Variants in NBEA observed in about 807,000 individuals in gnomAD.
NBEA encodes the protein lysosomal-trafficking regulator 2.
NBEA carries 44 observed loss-of-function variants against 343.4 expected under a neutral mutation model. The ratio of observed to expected loss-of-function variants is 0.13; its 90% CI spans 0.10 to 0.16. NBEA has a LOEUF of 0.16. Among genes scored for constraint, NBEA ranks in the 10% least tolerant of loss-of-function variants. The pLI is 1.00. For missense variants in NBEA, 2,555 were observed against 3,631.3 expected, an observed-to-expected ratio of 0.70 and a Z score of 7.62; for synonymous variants, 1,175 against 1,238.7, an observed-to-expected ratio of 0.95 and a Z score of 1.08.
intron 34 of NBEA, among the ~76,000 whole-genome samples, chr13:35,288,430 G>A (rs2035582141): frequency 6.6e-6 from 1 of 151,942 alleles, no homozygotes; most frequent in Non-Finnish European, 1.5e-5. Flanking sequence ...GAGTAAAGGT[G>A]TGAGGTTCTA....
At position 35,010,738 on chromosome 13, in the gene NBEA, AAAAATATATATATATAT is replaced by A. The variant is rs1354392719; in HGVS notation, c.295-30193_295-30177del. Reference sequence around the variant, plus strand: ...GACTGGGTCTCTACAAAAAAAAAAAAAAAATATATATATATATATATATATATATATATATATATATA... The same window carrying A: ...GACTGGGTCTCTACAAAAAAAAAAAAATATATATATATATATATATATATA... On this transcript the variant is annotated intron_variant, in intron 1 of 58. Transcript: ENST00000379939. 9.4e-5 allele frequency among the ~76,000 whole-genome samples: 3 copies of A among 32,066 alleles called. No individual in the cohort carries two copies. The Admixed American group carries it at 1.3e-3, about 14-fold the overall frequency. 21.0% of individuals were successfully genotyped at this position (32,066 alleles called of 152,430 possible).
chr13:35,263,873 C>T (rs923143275), intron 34 of NBEA, among the ~76,000 whole-genome samples: 31 of 151,088 alleles, frequency 2.1e-4, no homozygotes, highest in Admixed American at 1.8e-3. Context: ...ATTAGAAAAA[C>T]GAGAAAACTA....
chr13:35,291,629 A>C (rs1366735524), intron 35 of NBEA, among the ~76,000 whole-genome samples: 1 of 151,976 alleles, frequency 6.6e-6, no homozygotes, highest in African/African-American at 2.4e-5. Flanking sequence ...ACAGTTCTGT[A>C]AAATGCGTTT....
At chr13:35,559,730 A>G (rs1209157510) in intron 44 of NBEA, among the ~76,000 whole-genome samples, 2 of 152,068 alleles carry the variant, frequency 1.3e-5, no homozygotes, top group Non-Finnish European at 2.9e-5. Flanking sequence ...CCTGGCTAAC[A>G]CGGTGAAACC....
chr13:35,527,723 G>A (rs991394759), intron 41 of NBEA, among the ~76,000 whole-genome samples: 1 of 152,194 alleles, frequency 6.6e-6, no homozygotes, highest in African/African-American at 2.4e-5. Flanking sequence ...CGGGAGCTAG[G>A]GCTTCCAGGG....
chr13:35,040,795 T>G, intron 1 of NBEA, 138 bp from the exon 2 acceptor site: 1 of 690,312 alleles, frequency 1.4e-6, no homozygotes, highest in Admixed American at 2.9e-5. Context: ...GCTCTTATAC[T>G]TTTGATCAAA....
intron 38 of NBEA, among the ~76,000 whole-genome samples, chr13:35,423,941 G>T (rs541103690): frequency 6.6e-6 from 1 of 152,004 alleles, no homozygotes; most frequent in South Asian, 2.1e-4. Flanking sequence ...TCATGATTTG[G>T]CTCTCTGTTT....
chr13:35,459,017 CCACACA>C (rs1555270533), intron 40 of NBEA, among the ~76,000 whole-genome samples: 5 of 74,940 alleles, frequency 6.7e-5, no homozygotes, highest in South Asian at 5.9e-4. Flanking sequence ...CCCCCCCCCC[CCACACA>C]CACACACACA....
chr13:34,976,936 C>T (rs1000813033), intron 1 of NBEA, among the ~76,000 whole-genome samples: 9 of 142,988 alleles, frequency 6.3e-5, no homozygotes, highest in South Asian at 2.2e-4. Flanking sequence ...TTCTTTTTCT[C>T]TCTATTTTTT....
At chr13:35,319,079 G>A (rs564075513) in intron 36 of NBEA, among the ~76,000 whole-genome samples, 3 of 151,954 alleles carry the variant, frequency 2.0e-5, no homozygotes, top group East Asian at 3.9e-4. Flanking sequence ...TTTTTTGAAG[G>A]GTTTTTTGTG....
At chr13:35,234,570 A>G (rs891539639) in intron 34 of NBEA, among the ~76,000 whole-genome samples, 1 of 152,212 alleles carries the variant, frequency 6.6e-6, no homozygotes, top group African/African-American at 2.4e-5. Flanking sequence ...ACAGTGGGAA[A>G]TGAGACTAGA....
intron 10 of NBEA, among the ~76,000 whole-genome samples, chr13:35,081,522 G>T (rs1014121734): frequency 3.3e-5 from 5 of 151,660 alleles, no homozygotes; most frequent in Non-Finnish European, 5.9e-5. Context: ...TTTCAAGATG[G>T]GCAAGCTTTT....
At chr13:35,211,769 AG>A (rs1298679618) in intron 33 of NBEA, among the ~76,000 whole-genome samples, 1 of 152,172 alleles carries the variant, frequency 6.6e-6, no homozygotes, top group Non-Finnish European at 1.5e-5. Context: ...CAGTGAGCCT[AG>A]ATCACACCAC....
chr13:35,655,553 G>A (rs1172041619), intron 54 of NBEA, 26 bp from the exon 55 acceptor site: 1 of 1,595,598 alleles, frequency 6.3e-7, no homozygotes, highest in East Asian at 2.3e-5. Context: ...ACTAAATGAA[G>A]CAAACCTGTC....
intron 22 of NBEA, among the ~76,000 whole-genome samples, chr13:35,160,773 T>C (rs970620811): frequency 2.2e-4 from 33 of 152,196 alleles, no homozygotes; most frequent in African/African-American, 7.0e-4. Context: ...TTTTCTGATA[T>C]GGATTTTAAT....
chr13:35,387,066 A>G (rs1229851729), intron 38 of NBEA, among the ~76,000 whole-genome samples: 3 of 152,164 alleles, frequency 2.0e-5, no homozygotes, highest in African/African-American at 7.2e-5. Context: ...TTATAAGACT[A>G]AGCTCTATCT....
chr13:35,050,229 T>C, intron 5 of NBEA, 40 bp from the exon 6 acceptor site: 2 of 1,581,028 alleles, frequency 1.3e-6, no homozygotes, highest in Non-Finnish European at 1.7e-6. Context: ...TTAGTTCTTT[T>C]TATCAGAGGA....
intron 17 of NBEA, among the ~76,000 whole-genome samples, chr13:35,126,560 G>C (rs2067142166): frequency 6.6e-6 from 1 of 152,020 alleles, no homozygotes; most frequent in African/African-American, 2.4e-5. Context: ...ATTATGAATA[G>C]ATGAAAATAT....
chr13:34,967,114 A>G (rs2059846134), intron 1 of NBEA, among the ~76,000 whole-genome samples: 1 of 151,824 alleles, frequency 6.6e-6, no homozygotes, highest in African/African-American at 2.4e-5. Context: ...AATTTTATTT[A>G]TATTACTTTT....
Sources: gnomAD v4.1 joint callset for allele counts (sites outside exome capture counted in the v4.1 genomes callset) on GRCh38, gnomAD v4.1.1 for gene constraint, MANE v1.5 for transcripts, NCBI Gene and HGNC (gene_info 2026-07-23, HGNC 2026-07-21) for gene names.